The following WAC variants were observed in gnomAD, a reference collection of about 807,000 sequenced individuals.
The protein encoded by WAC is WW domain-containing adapter protein with coiled-coil.
In WAC, 11 loss-of-function variants were observed where a neutral mutation model predicts 79.6. That is an observed-to-expected ratio of 0.14 (90% CI 0.09 to 0.23). WAC has a LOEUF of 0.23. Ranked by LOEUF, WAC falls within the 10% of genes least tolerant of loss-of-function variation. The probability of loss-of-function intolerance (pLI) is 1.00; values close to 1 mark genes in which losing one functional copy is unlikely to be tolerated. For missense variants in WAC, 728 were observed against 773.5 expected, an observed-to-expected ratio of 0.94 and a Z score of 0.70; for synonymous variants, 304 against 276.9, an observed-to-expected ratio of 1.10 and a Z score of -0.97.
chr10:28,543,026 A>T (rs1322736530), intron 3 of WAC, among the ~76,000 whole-genome samples: 5 of 152,150 alleles, frequency 3.3e-5, no homozygotes, highest in Non-Finnish European at 7.4e-5. Flanking sequence ...ATGGATAGAT[A>T]AAAAAAATTT....
intron 3 of WAC, among the ~76,000 whole-genome samples, chr10:28,575,849 C>A (rs1433984970): frequency 1.3e-5 from 2 of 152,170 alleles, no homozygotes; most frequent in African/African-American, 4.8e-5. Flanking sequence ...ACTCTCCTGT[C>A]GCATAATGTT....
At chr10:28,546,167 T>C (rs1837338999) in intron 3 of WAC, among the ~76,000 whole-genome samples, 2 of 152,376 alleles carry the variant, frequency 1.3e-5, no homozygotes, top group East Asian at 3.9e-4. Flanking sequence ...TGACCTACTA[T>C]TGGCGTCTTC....
intron 3 of WAC, among the ~76,000 whole-genome samples, chr10:28,539,565 T>G (rs1040944354): frequency 5.5e-4 from 25 of 45,622 alleles, no homozygotes; most frequent in Admixed American, 1.1e-3. Flanking sequence ...TTAGGGTTTG[T>G]TTTTTGGTTT....
In WAC at chr10:28,620,874, A is replaced by G. The variant is rs1394663590; in HGVS notation, c.*1268A>G. The G allele has an allele frequency of 6.6e-6, 1 of 152,226 alleles. No homozygotes were observed. Among genetic ancestry groups the G allele is most frequent in the Non-Finnish European group, 1.5e-5 (1 of 68,040 alleles). 9.4% of individuals were successfully genotyped at this position (152,226 alleles called of 1,614,324 possible). ...CTGACTGCTGTTCTTAGCCATCACA[A>G]AACGCTAAATTTGTGTAATTGGAGC... On this transcript the variant is annotated 3_prime_UTR_variant, in exon 14 of 14. Coordinates refer to ENST00000354911, the MANE Select transcript of WAC (RefSeq NM_016628.5).
At position 28,603,965 on chromosome 10, in the gene WAC, A is replaced by ATATATATATATATATATATATGTG. The variant is rs1840787139; in HGVS notation, c.920-4200_920-4199insGTGTATATATATATATATATATAT. Among the ~76,000 whole-genome samples the ATATATATATATATATATATATGTG allele has an allele frequency of 2.7e-4, 7 of 26,270 alleles. No individual in the cohort carries two copies. In the South Asian group the frequency reaches 0.013, roughly 49 times the overall value. 17.2% of individuals were successfully genotyped at this position (26,270 alleles called of 152,430 possible). ...AAAATATATATATGTATGTATGTAT[A>ATATATATATATATATATATATGTG]TATATATATATATATATATATATGT... On this transcript the variant is annotated intron_variant, in intron 7 of 13. Transcript: ENST00000354911.
intron 9 of WAC, chr10:28,611,111 G>T: frequency 1.7e-6 from 1 of 592,824 alleles, no homozygotes. Flanking sequence ...GTTTTTTTAT[G>T]CCAAAGCTGA....
chr10:28,590,973 A>T, intron 6 of WAC, 141 bp downstream of exon 6: 1 of 740,774 alleles, frequency 1.3e-6, no homozygotes, highest in Non-Finnish European at 2.2e-6. Flanking sequence ...GATTTATTAT[A>T]CCCTCCACCA....
chr10:28,539,231 G>A (rs546673111), intron 3 of WAC, among the ~76,000 whole-genome samples: 6 of 152,142 alleles, frequency 3.9e-5, no homozygotes, highest in African/African-American at 4.8e-5. Context: ...AAAAATGCTC[G>A]TTCAGAAGTA....
intron 3 of WAC, among the ~76,000 whole-genome samples, chr10:28,578,980 G>T (rs1839390381): frequency 6.6e-6 from 1 of 152,082 alleles, no homozygotes; most frequent in Admixed American, 6.5e-5. Context: ...GCAAGCTTAA[G>T]TATAGAGCCC....
intron 4 of WAC, among the ~76,000 whole-genome samples, chr10:28,583,763 T>C (rs910995566): frequency 6.6e-6 from 1 of 152,188 alleles, no homozygotes; most frequent in Non-Finnish European, 1.5e-5. Context: ...TACAAAGCAA[T>C]GTTTTTCTGT....
chr10:28,535,507 G>T, intron 2 of WAC, 55 bp from the exon 3 acceptor site: 2 of 1,477,176 alleles, frequency 1.4e-6, no homozygotes, highest in Non-Finnish European at 1.8e-6. Context: ...TTTAAATTAG[G>T]GAGTTTAAGG....
At chr10:28,603,281 G>A (rs939045382) in intron 7 of WAC, among the ~76,000 whole-genome samples, 8 of 152,146 alleles carry the variant, frequency 5.3e-5, no homozygotes, top group African/African-American at 1.9e-4. Flanking sequence ...AATTTGTGTC[G>A]AGCCACATTC....
chr10:28,587,824 C>T (rs796946891), intron 4 of WAC, among the ~76,000 whole-genome samples: 3 of 152,038 alleles, frequency 2.0e-5, no homozygotes, highest in African/African-American at 7.2e-5. Context: ...TAGGCAAAAT[C>T]AATGTAGTGT....
chr10:28,593,847 C>G (rs1394227243), intron 6 of WAC, among the ~76,000 whole-genome samples: 1 of 152,006 alleles, frequency 6.6e-6, no homozygotes, highest in South Asian at 2.1e-4. Context: ...TTTATTTTTG[C>G]AAACCTGTGC....
At chr10:28,581,553 T>C (rs879526183) in intron 3 of WAC, among the ~76,000 whole-genome samples, 1 of 151,982 alleles carries the variant, frequency 6.6e-6, no homozygotes, top group South Asian at 2.1e-4. Context: ...TTTGTTTGTT[T>C]GTTTGTTTGT....
At chr10:28,572,016 A>G (rs1384899308) in intron 3 of WAC, among the ~76,000 whole-genome samples, 5 of 152,158 alleles carry the variant, frequency 3.3e-5, no homozygotes, top group African/African-American at 4.8e-5. Flanking sequence ...TAAAACAGGG[A>G]GCAATATAGG....
chr10:28,598,595 A>G (rs573378978), intron 7 of WAC, among the ~76,000 whole-genome samples: 2 of 152,202 alleles, frequency 1.3e-5, no homozygotes, highest in African/African-American at 4.8e-5. Context: ...CCTTAAAACA[A>G]CACTGGTGAG....
intron 4 of WAC, 198 bp from the exon 5 acceptor site, chr10:28,589,538 G>T (rs1839988333): frequency 3.2e-6 from 1 of 308,772 alleles, no homozygotes; most frequent in Non-Finnish European, 5.9e-6. Flanking sequence ...GCTTAATTTT[G>T]ATATTTTATA....
intron 12 of WAC, among the ~76,000 whole-genome samples, chr10:28,617,114 C>A (rs1841506028): frequency 6.6e-6 from 1 of 152,156 alleles, no homozygotes; most frequent in South Asian, 2.1e-4. Context: ...ACTTAATTTT[C>A]TATGACTCTC....
Sources: gnomAD v4.1 joint callset for allele counts (sites outside exome capture counted in the v4.1 genomes callset) on GRCh38, gnomAD v4.1.1 for gene constraint, MANE v1.5 for transcripts, NCBI Gene and HGNC (gene_info 2026-07-23, HGNC 2026-07-21) for gene names.